The following MYH11 variants were observed in gnomAD, a reference collection of about 807,000 sequenced individuals.
The protein encoded by MYH11 is myosin-11.
In MYH11, 80 loss-of-function variants were observed where a neutral mutation model predicts 246.6. That is an observed-to-expected ratio of 0.32 (90% confidence interval 0.27 to 0.39). MYH11 has a LOEUF of 0.39. Ranked by LOEUF, MYH11 falls within the 10% of genes least tolerant of loss-of-function variation. The pLI is 1.00. For synonymous variants in MYH11, 1,071 were observed against 1,015.5 expected (o/e 1.05, Z -1.04); for missense variants, 2,158 against 2,546.8 (o/e 0.85, Z 3.29).
intron 3 of MYH11, among the ~76,000 whole-genome samples, chr16:15,813,715 G>A (rs1024955870): frequency 1.3e-4 from 20 of 152,194 alleles, no homozygotes; most frequent in African/African-American, 4.6e-4. Context: ...CAGTTTAGCC[G>A]GGCATGGTGG....
intron 1 of MYH11, among the ~76,000 whole-genome samples, chr16:15,852,949 C>A (rs528809026): frequency 1.3e-5 from 2 of 152,242 alleles, no homozygotes; most frequent in South Asian, 4.1e-4. Context: ...AATATGTCAG[C>A]CCTATTCACA....
At chr16:15,828,963 C>T (rs2043651779) in intron 2 of MYH11, among the ~76,000 whole-genome samples, 1 of 151,856 alleles carries the variant, frequency 6.6e-6, no homozygotes, top group African/African-American at 2.4e-5. Flanking sequence ...GAGGTCAGAT[C>T]ACTTGAGGTC....
At chr16:15,803,356 A>T (rs958234095) in intron 3 of MYH11, among the ~76,000 whole-genome samples, 1 of 149,892 alleles carries the variant, frequency 6.7e-6, no homozygotes, top group Non-Finnish European at 1.5e-5. Context: ...GGCTCACTGC[A>T]ACCTCTGCCT....
chr16:15,814,035 T>A (rs534331505), intron 3 of MYH11, among the ~76,000 whole-genome samples: 1 of 151,780 alleles, frequency 6.6e-6, no homozygotes, highest in African/African-American at 2.4e-5. Flanking sequence ...TCCCAGCTAC[T>A]CAGGAGGCTG....
chr16:15,815,106 C>T (rs2043234000), intron 3 of MYH11, among the ~76,000 whole-genome samples: 2 of 152,176 alleles, frequency 1.3e-5, no homozygotes, highest in Admixed American at 6.5e-5. Flanking sequence ...TAGCCCAGTG[C>T]TTTCATATTA....
At position 15,800,799 on chromosome 16, in the gene MYH11, G is replaced by C. The variant is rs1596862910; in HGVS notation, c.503-2112C>G. 4.6e-5 allele frequency among the ~76,000 whole-genome samples: 7 copies of C among 152,132 alleles called. 1 individual carries two copies. Among genetic ancestry groups the C allele is most frequent in the Admixed American group, 4.6e-4 (7 of 15,274 alleles). On this transcript the variant is annotated intron_variant, in intron 3 of 40. Coordinates refer to ENST00000300036, the MANE Select transcript of MYH11 (RefSeq NM_002474.3). ...AATCAGTTCTCTCTCTCTTCCCTCGGATTATAGATGGATGTTTGGGTGGCC... is the reference window on the plus strand; with the variant it reads ...AATCAGTTCTCTCTCTCTTCCCTCGCATTATAGATGGATGTTTGGGTGGCC...
At chr16:15,839,411 G>A (rs1040013686) in intron 1 of MYH11, among the ~76,000 whole-genome samples, 3 of 152,042 alleles carry the variant, frequency 2.0e-5, no homozygotes, top group East Asian at 1.9e-4. Context: ...AGGTAATGGC[G>A]GCCGGGCGCG....
intron 3 of MYH11, among the ~76,000 whole-genome samples, chr16:15,800,509 CGG>C (rs2042857933): frequency 6.8e-6 from 1 of 146,614 alleles, no homozygotes; most frequent in African/African-American, 2.5e-5. Flanking sequence ...GATGGTTGGA[CGG>C]AGGAGGGAAG....
At chr16:15,733,806 G>A (rs986914554) in intron 26 of MYH11, among the ~76,000 whole-genome samples, 7 of 152,202 alleles carry the variant, frequency 4.6e-5, no homozygotes, top group Non-Finnish European at 1.0e-4. Context: ...GCCTCCCAAA[G>A]TGCTGGGATT....
At chr16:15,751,453 G>A (rs141528940) in intron 15 of MYH11, among the ~76,000 whole-genome samples, 263 of 150,598 alleles carry the variant, frequency 1.7e-3, no homozygotes, top group African/African-American at 5.8e-3. Context: ...GTGAGCTACC[G>A]CGCCCGGCCA....
intron 9 of MYH11, among the ~76,000 whole-genome samples, chr16:15,768,067 T>TA (rs2042022968): frequency 6.6e-6 from 1 of 152,138 alleles, no homozygotes; most frequent in South Asian, 2.1e-4. Flanking sequence ...CATGAGCCAT[T>TA]ATGCCCGGCT....
At chr16:15,760,217 A>C (rs1340390746) in intron 11 of MYH11, among the ~76,000 whole-genome samples, 2 of 152,130 alleles carry the variant, frequency 1.3e-5, no homozygotes, top group Non-Finnish European at 2.9e-5. Context: ...TGAATGAATG[A>C]ATGAATGGAA....
In MYH11 at chr16:15,784,688, A is replaced by G. The variant is rs199755371; in HGVS notation, c.633+1942T>C. ...CCCTACACACCAGGAAAACACTCTC[A>G]GTTACTCACGTAGGCAAAAGATGGG... On this transcript the variant is annotated intron_variant, in intron 5 of 40. Coordinates refer to ENST00000300036, the MANE Select transcript of MYH11 (RefSeq NM_002474.3). The G allele has an allele frequency of 6.4e-4, 1,031 of 1,613,724 alleles. 1 individual carries two copies. Among genetic ancestry groups the G allele is most frequent in the Admixed American group, 1.0e-3 (62 of 60,000 alleles).
At chr16:15,841,947 TCCTGGATC>T (rs1426618560) in intron 1 of MYH11, among the ~76,000 whole-genome samples, 2 of 152,194 alleles carry the variant, frequency 1.3e-5, no homozygotes, top group Admixed American at 1.3e-4. Flanking sequence ...CATGTCCCAC[TCCTGGATC>T]CCTAGAGCTG....
chr16:15,757,799 G>A, intron 13 of MYH11, 28 bp downstream of exon 13: 3 of 1,614,106 alleles, frequency 1.9e-6, no homozygotes, highest in Non-Finnish European at 2.5e-6. Context: ...AGGTGTGACG[G>A]AGCCCCGCAC....
In MYH11 at chr16:15,760,599, G is replaced by A; in HGVS notation, c.1189C>T (p.Leu397Phe). 1 of 1,614,190 alleles carries A rather than the reference G, an allele frequency of 6.2e-7. No individual in the cohort carries two copies. Among genetic ancestry groups the A allele is most frequent in the South Asian group, 1.1e-5 (1 of 91,080 alleles). ...CGCCCAACCTTGATACGAGGAGTGA[G>A]GATGGATCTGGTGAAATCTGTCACA... is the stretch of plus-strand genomic sequence containing the variant. Reference protein sequence around the residue: ...INVTDFTRSILTPRIKVGRDV... With the variant: ...INVTDFTRSIFTPRIKVGRDV... The change falls in exon 11 of 41, where the codon CTC becomes TTC. Residue 397 changes from leucine to phenylalanine, a missense_variant. Physicochemically the swap from Leu to Phe is conservative, Grantham distance 22. Transcript: ENST00000300036.
intron 40 of MYH11, among the ~76,000 whole-genome samples, chr16:15,712,577 CAG>C (rs1272117309): frequency 1.3e-5 from 2 of 152,134 alleles, no homozygotes; most frequent in Non-Finnish European, 2.9e-5. Flanking sequence ...GCCTGGGCAA[CAG>C]AGCAAGACTC....
intron 1 of MYH11, among the ~76,000 whole-genome samples, chr16:15,851,815 G>C (rs2044336660): frequency 6.6e-6 from 1 of 152,106 alleles, no homozygotes; most frequent in African/African-American, 2.4e-5. Flanking sequence ...CCAACCAAGA[G>C]AACTTGGTTG....
intron 2 of MYH11, among the ~76,000 whole-genome samples, chr16:15,831,809 T>C (rs1720135620): frequency 6.6e-6 from 1 of 151,996 alleles, no homozygotes; most frequent in South Asian, 2.1e-4. Flanking sequence ...CGTGGTGGCA[T>C]GTGCCTGTAA....
Sources: allele counts gnomAD v4.1 joint callset (sites outside exome capture counted in the v4.1 genomes callset), GRCh38; gene constraint gnomAD v4.1.1; transcripts MANE v1.5; gene names NCBI Gene and HGNC (gene_info 2026-07-23, HGNC 2026-07-21).